The following KIFAP3 variants were observed in gnomAD, a reference collection of about 807,000 sequenced individuals.
KIFAP3 encodes kinesin-associated protein 3.
In KIFAP3, 68 loss-of-function variants were observed where a neutral mutation model predicts 106.5. That is an observed-to-expected ratio of 0.64 (90% CI 0.53 to 0.78). The LOEUF (loss-of-function observed/expected upper bound fraction) is 0.78. Among genes scored for constraint, KIFAP3 ranks in the 30% least tolerant of loss-of-function variants. The pLI, the probability that KIFAP3 is intolerant of heterozygous loss-of-function variation, is 0.00. For missense variants in KIFAP3, 780 were observed against 941.8 expected, an observed-to-expected ratio of 0.83 and a Z score of 2.25; for synonymous variants, 320 against 311.5, an observed-to-expected ratio of 1.03 and a Z score of -0.29.
chr1:169,960,962 A>T, intron 18 of KIFAP3, 84 bp downstream of exon 18: 1 of 978,212 alleles, frequency 1.0e-6, no homozygotes, highest in Non-Finnish European at 1.5e-6. Flanking sequence ...AGTGCTTATT[A>T]AGCTTGGGAA....
intron 19 of KIFAP3, among the ~76,000 whole-genome samples, chr1:169,938,087 T>C (rs939746229): frequency 1.3e-5 from 2 of 152,006 alleles, no homozygotes; most frequent in Non-Finnish European, 2.9e-5. Flanking sequence ...ACTAGAAATA[T>C]GATTTTACAC....
At chr1:169,945,664 T>A (rs1342162150) in intron 19 of KIFAP3, among the ~76,000 whole-genome samples, 1 of 152,204 alleles carries the variant, frequency 6.6e-6, no homozygotes. Flanking sequence ...GAACACTAAC[T>A]TGAAGAGGGT....
At chr1:170,010,462 T>G (rs12143260) in intron 10 of KIFAP3, among the ~76,000 whole-genome samples, 9,566 of 152,094 alleles carry the variant, frequency 0.063, 383 homozygotes, top group Non-Finnish European at 0.095. Context: ...TCTATTGAAT[T>G]ACAGTTTCCC....
intron 15 of KIFAP3, among the ~76,000 whole-genome samples, chr1:169,979,448 TA>T (rs561739619): frequency 2.6e-5 from 4 of 152,104 alleles, no homozygotes; most frequent in Middle Eastern, 3.4e-3. Flanking sequence ...CAAATTAAAT[TA>T]AAAAAACTCA....
intron 15 of KIFAP3, among the ~76,000 whole-genome samples, chr1:169,981,110 A>G (rs1371372031): frequency 1.3e-5 from 2 of 152,170 alleles, no homozygotes; most frequent in Non-Finnish European, 2.9e-5. Context: ...TCAAAAAGTC[A>G]AAACAAAAAC....
chr1:170,055,547 T>C, intron 1 of KIFAP3, 111 bp from the exon 2 acceptor site: 1 of 698,208 alleles, frequency 1.4e-6, no homozygotes, highest in South Asian at 2.2e-5. Context: ...TGCATTTGAA[T>C]CAGATTACTC....
At chr1:169,962,144 GAATTT>G (rs145469051) in intron 17 of KIFAP3, among the ~76,000 whole-genome samples, 2,881 of 152,198 alleles carry the variant, frequency 0.019, 91 homozygotes, top group African/African-American at 0.063. Context: ...TATCAGAATT[GAATTT>G]AATTTTTGTT....
At position 169,992,134 on chromosome 1, in the gene KIFAP3, TA is replaced by T; in HGVS notation, c.1284+20del. 3 of 1,213,396 alleles carry T rather than the reference TA, an allele frequency of 2.5e-6. No individual in the cohort carries two copies. Among genetic ancestry groups the T allele is most frequent in the Non-Finnish European group, 2.3e-6 (2 of 887,984 alleles). 75.2% of individuals were successfully genotyped at this position (1,213,396 alleles called of 1,614,324 possible). On this transcript the variant is annotated intron_variant, in intron 11 of 19. Transcript: ENST00000361580. Reference sequence around the variant, plus strand: ...ATATATATTTGTTAAATGTTTTTCATAAAACACTTAAACCACTTACCTGTGG... The same window carrying T: ...ATATATATTTGTTAAATGTTTTTCATAAACACTTAAACCACTTACCTGTGG...
chr1:170,018,384 G>A (rs1668628284), intron 9 of KIFAP3, among the ~76,000 whole-genome samples: 1 of 152,094 alleles, frequency 6.6e-6, no homozygotes, highest in Non-Finnish European at 1.5e-5. Context: ...TTACTTTATA[G>A]TAACAGAGGA....
intron 11 of KIFAP3, among the ~76,000 whole-genome samples, chr1:169,985,854 G>C (rs1666799097): frequency 6.6e-6 from 1 of 151,940 alleles, no homozygotes; most frequent in African/African-American, 2.4e-5. Flanking sequence ...ATGCCATTTA[G>C]CAGTAATCTA....
At chr1:169,942,162 A>G (rs748637466) in intron 19 of KIFAP3, among the ~76,000 whole-genome samples, 2 of 152,224 alleles carry the variant, frequency 1.3e-5, no homozygotes, top group African/African-American at 4.8e-5. Context: ...AAACTGAAAA[A>G]TAATGTTATG....
chr1:170,061,604 G>C (rs1671160545), intron 1 of KIFAP3, among the ~76,000 whole-genome samples: 1 of 152,174 alleles, frequency 6.6e-6, no homozygotes, highest in Non-Finnish European at 1.5e-5. Context: ...AGACAGTGTG[G>C]CGATTCCTCA....
At chr1:170,070,235 G>C (rs1027688655) in intron 1 of KIFAP3, among the ~76,000 whole-genome samples, 4 of 152,046 alleles carry the variant, frequency 2.6e-5, no homozygotes, top group African/African-American at 9.7e-5. Flanking sequence ...TCCCCAAAGT[G>C]ATCTATAGAT....
intron 1 of KIFAP3, among the ~76,000 whole-genome samples, chr1:170,061,972 T>A (rs1367732091): frequency 6.6e-6 from 1 of 151,878 alleles, no homozygotes; most frequent in African/African-American, 2.4e-5. Flanking sequence ...ATGAGAACAC[T>A]TGGACACAGA....
At chr1:170,045,912 A>C (rs913461314) in intron 3 of KIFAP3, among the ~76,000 whole-genome samples, 1 of 152,138 alleles carries the variant, frequency 6.6e-6, no homozygotes, top group Non-Finnish European at 1.5e-5. Context: ...TTAGAATCAT[A>C]AGGATTTTGC....
At chr1:170,074,399 G>A (rs766734391) in intron 1 of KIFAP3, 37 bp downstream of exon 1, 20 of 1,610,856 alleles carry the variant, frequency 1.2e-5, no homozygotes, top group Middle Eastern at 1.6e-4. Context: ...CAGGGCCCTG[G>A]CAAGGAGGGT....
chr1:169,976,684 A>C (rs1234710987), intron 16 of KIFAP3, among the ~76,000 whole-genome samples: 1 of 152,136 alleles, frequency 6.6e-6, no homozygotes, highest in Non-Finnish European at 1.5e-5. Flanking sequence ...GTTATTTACC[A>C]GACTTGACTC....
chr1:170,061,907 G>GC (rs530943302), intron 1 of KIFAP3, among the ~76,000 whole-genome samples: 20 of 152,158 alleles, frequency 1.3e-4, no homozygotes, highest in Middle Eastern at 6.8e-3. Context: ...GCAAACTGTC[G>GC]CAAGGACAGA....
chr1:170,035,609 G>A (rs1669650229), intron 5 of KIFAP3, 56 bp from the exon 6 acceptor site: 6 of 1,107,570 alleles, frequency 5.4e-6, no homozygotes, highest in Non-Finnish European at 7.8e-6. Flanking sequence ...GGTATAAAGG[G>A]TGATTGGTTT....
Sources: gnomAD v4.1 joint callset for allele counts (sites outside exome capture counted in the v4.1 genomes callset) on GRCh38, gnomAD v4.1.1 for gene constraint, MANE v1.5 for transcripts, NCBI Gene and HGNC (gene_info 2026-07-23, HGNC 2026-07-21) for gene names.